Variants in ARHGAP42 observed in about 807,000 individuals in gnomAD.
ARHGAP42 encodes rho GTPase-activating protein 42.
Under a neutral mutation model 125.0 loss-of-function variants are expected in ARHGAP42, and 63 were observed. That is an observed-to-expected ratio of 0.50 (90% CI 0.41 to 0.62). The LOEUF is 0.62. ARHGAP42 is among the 20% of genes least tolerant of loss of function. ARHGAP42 has a pLI of 0.00. For synonymous variants in ARHGAP42, 339 were observed against 351.0 expected, an observed-to-expected ratio of 0.97 and a Z score of 0.38; for missense variants, 766 against 1,024.2, an observed-to-expected ratio of 0.75 and a Z score of 3.44.
intron 1 of ARHGAP42, among the ~76,000 whole-genome samples, chr11:100,719,418 T>A (rs1441174293): frequency 1.3e-5 from 2 of 152,170 alleles, no homozygotes; most frequent in Non-Finnish European, 2.9e-5. Flanking sequence ...GGGGAAAAGC[T>A]CTAGGCAAAC....
chr11:100,759,489 G>A (rs925615312), intron 1 of ARHGAP42, among the ~76,000 whole-genome samples: 1 of 152,176 alleles, frequency 6.6e-6, no homozygotes, highest in African/African-American at 2.4e-5. Flanking sequence ...TGTGTTGGGT[G>A]CAGTAAAGGC....
chr11:100,974,749 T>G (rs1419187756), intron 19 of ARHGAP42, 146 bp downstream of exon 19: 2 of 937,744 alleles, frequency 2.1e-6, no homozygotes, highest in Non-Finnish European at 1.5e-6. Flanking sequence ...GTATATTCTC[T>G]GTCAATAGTT....
intron 4 of ARHGAP42, among the ~76,000 whole-genome samples, chr11:100,912,390 T>C (rs1406558182): frequency 6.6e-6 from 1 of 152,136 alleles, no homozygotes; most frequent in East Asian, 1.9e-4. Flanking sequence ...AAACACATAA[T>C]GAACTTGTTA....
At chr11:100,906,086 T>C (rs1001595794) in intron 4 of ARHGAP42, among the ~76,000 whole-genome samples, 3 of 152,202 alleles carry the variant, frequency 2.0e-5, no homozygotes, top group African/African-American at 7.2e-5. Context: ...CATCTAATTT[T>C]CTGGAAGATC....
intron 8 of ARHGAP42, among the ~76,000 whole-genome samples, 189 bp from the exon 9 acceptor site, chr11:100,941,595 T>C (rs1442439062): frequency 1.5e-5 from 1 of 65,678 alleles, no homozygotes; most frequent in Admixed American, 2.1e-4. Flanking sequence ...CAGAGCCACG[T>C]TGTCTGATTC....
At chr11:100,922,980 A>G (rs1565277815) in intron 6 of ARHGAP42, among the ~76,000 whole-genome samples, 1 of 152,230 alleles carries the variant, frequency 6.6e-6, no homozygotes, top group Non-Finnish European at 1.5e-5. Context: ...TGTTTACCAA[A>G]CAGCTTAATC....
At chr11:100,953,662 A>T (rs1857723190) in intron 12 of ARHGAP42, among the ~76,000 whole-genome samples, 1 of 152,154 alleles carries the variant, frequency 6.6e-6, no homozygotes, top group South Asian at 2.1e-4. Flanking sequence ...TTAATTTACC[A>T]TTTTCAAAGT....
chr11:100,691,126 G>A (rs955074124), intron 1 of ARHGAP42, among the ~76,000 whole-genome samples: 3 of 152,126 alleles, frequency 2.0e-5, no homozygotes, highest in African/African-American at 7.2e-5. Context: ...ATGCCACATA[G>A]ATATTTTGTG....
intron 22 of ARHGAP42, among the ~76,000 whole-genome samples, chr11:100,983,191 A>G (rs1160776435): frequency 6.6e-6 from 1 of 152,166 alleles, no homozygotes; most frequent in East Asian, 1.9e-4. Flanking sequence ...GATTATATTT[A>G]TTGATATTTA....
At chr11:100,953,417 C>T (rs1591318353) in intron 12 of ARHGAP42, among the ~76,000 whole-genome samples, 1 of 152,094 alleles carries the variant, frequency 6.6e-6, no homozygotes, top group East Asian at 1.9e-4. Context: ...CTTAGGTAAA[C>T]GTTTGTTTGA....
In ARHGAP42 at chr11:100,693,123, T is replaced by A. The variant is rs182578205; in HGVS notation, c.154+5291T>A. ...TAGCTTCTTGTAAGAACTGCCATTGTTTTAGGATATTTTTGGTTATATAAA... is the reference window on the plus strand; with the variant it reads ...TAGCTTCTTGTAAGAACTGCCATTGATTTAGGATATTTTTGGTTATATAAA... On this transcript the variant is annotated intron_variant, in intron 1 of 23. Transcript: ENST00000298815. 1.7e-3 allele frequency among the ~76,000 whole-genome samples: 256 copies of A among 152,262 alleles called. 2 individuals carry two copies. Among genetic ancestry groups the A allele is most frequent in the Non-Finnish European group, 2.8e-3 (192 of 68,006 alleles).
intron 1 of ARHGAP42, among the ~76,000 whole-genome samples, chr11:100,748,271 C>A (rs549791765): frequency 6.6e-6 from 1 of 152,284 alleles, no homozygotes; most frequent in South Asian, 2.1e-4. Flanking sequence ...GCAAACAGCT[C>A]GCAGGTTTGA....
chr11:100,954,086 G>C (rs1857737872), intron 12 of ARHGAP42, among the ~76,000 whole-genome samples: 1 of 152,138 alleles, frequency 6.6e-6, no homozygotes, highest in Non-Finnish European at 1.5e-5. Flanking sequence ...GGCAAAAGCA[G>C]TTAACATTTC....
At chr11:100,791,843 T>G (rs1321958492) in intron 2 of ARHGAP42, among the ~76,000 whole-genome samples, 1 of 152,196 alleles carries the variant, frequency 6.6e-6, no homozygotes, top group African/African-American at 2.4e-5. Context: ...AATCAACTAT[T>G]ATCTTACTAA....
chr11:100,739,711 A>G (rs1294588807), intron 1 of ARHGAP42, among the ~76,000 whole-genome samples: 1 of 152,160 alleles, frequency 6.6e-6, no homozygotes, highest in Non-Finnish European at 1.5e-5. Context: ...CCTTTTGTAA[A>G]CATGAGTTGC....
At chr11:100,711,967 C>T (rs1023925353) in intron 1 of ARHGAP42, among the ~76,000 whole-genome samples, 5 of 152,198 alleles carry the variant, frequency 3.3e-5, no homozygotes, top group Non-Finnish European at 5.9e-5. Flanking sequence ...CTCTAACTTT[C>T]ATTATGCTCC....
intron 12 of ARHGAP42, among the ~76,000 whole-genome samples, chr11:100,958,264 G>A (rs1021524871): frequency 9.5e-5 from 14 of 147,094 alleles, no homozygotes; most frequent in African/African-American, 1.5e-4. Flanking sequence ...TTGGAAGCAA[G>A]CAATCTCTCT....
chr11:100,697,094 A>T (rs1221921748), intron 1 of ARHGAP42, among the ~76,000 whole-genome samples: 1 of 152,168 alleles, frequency 6.6e-6, no homozygotes, highest in African/African-American at 2.4e-5. Flanking sequence ...TTACTCTGGA[A>T]AAAAGTAGGT....
chr11:100,974,624 G>C (rs1409528138), intron 19 of ARHGAP42, 21 bp downstream of exon 19: 2 of 1,532,500 alleles, frequency 1.3e-6, no homozygotes, highest in Non-Finnish European at 1.8e-6. Context: ...CCGGCCTTAG[G>C]GAGATGCTTT....
Sources: gnomAD v4.1 joint callset for allele counts (sites outside exome capture counted in the v4.1 genomes callset) on GRCh38, gnomAD v4.1.1 for gene constraint, MANE v1.5 for transcripts, NCBI Gene and HGNC (gene_info 2026-07-23, HGNC 2026-07-21) for gene names.